The following ADGRL3 variants were observed in gnomAD, a reference collection of about 807,000 sequenced individuals.
ADGRL3 encodes the protein calcium-independent alpha-latrotoxin receptor 3.
Under a neutral mutation model 153.5 loss-of-function variants are expected in ADGRL3, and 62 were observed. The observed-to-expected ratio is 0.40, with a 90% confidence interval of 0.33 to 0.50. ADGRL3 has a LOEUF of 0.50. Among genes scored for constraint, ADGRL3 ranks in the 20% least tolerant of loss-of-function variants. ADGRL3 has a pLI of 0.47. For missense variants in ADGRL3, 1,641 were observed against 1,859.4 expected (o/e 0.88, Z 2.16); for synonymous variants, 710 against 672.5 (o/e 1.06, Z -0.86).
intron 13 of ADGRL3, among the ~76,000 whole-genome samples, chr4:61,925,339 A>G (rs1424826840): frequency 6.6e-6 from 1 of 152,106 alleles, no homozygotes. Context: ...TGTACCATCA[A>G]TTCTTCTTCC....
intron 21 of ADGRL3, among the ~76,000 whole-genome samples, chr4:62,026,218 T>C (rs976981799): frequency 1.3e-5 from 2 of 152,170 alleles, no homozygotes; most frequent in African/African-American, 4.8e-5. Flanking sequence ...AGTCTCATAG[T>C]AGGCAGTCTA....
chr4:62,034,423 T>C (rs534258182), intron 23 of ADGRL3, among the ~76,000 whole-genome samples: 1 of 152,054 alleles, frequency 6.6e-6, no homozygotes, highest in East Asian at 1.9e-4. Flanking sequence ...TGTTCTTTCA[T>C]CCATTCTGTG....
intron 2 of ADGRL3, among the ~76,000 whole-genome samples, chr4:61,438,432 T>C (rs2097481383): frequency 1.3e-5 from 2 of 151,646 alleles, no homozygotes; most frequent in Admixed American, 6.6e-5. Flanking sequence ...TACATATGTA[T>C]ACATGTGCCA....
At chr4:61,358,596 CA>C (rs71211377) in intron 1 of ADGRL3, among the ~76,000 whole-genome samples, 33,938 of 95,332 alleles carry the variant, frequency 0.36, 3,566 homozygotes, top group South Asian at 0.45. Flanking sequence ...GACTCCGTCT[CA>C]AAAAAAAAAA....
intron 1 of ADGRL3, among the ~76,000 whole-genome samples, chr4:61,281,050 A>C (rs889688059): frequency 1.3e-5 from 2 of 152,098 alleles, no homozygotes; most frequent in African/African-American, 4.8e-5. Flanking sequence ...TATTTATCAT[A>C]TATATTAGTT....
rs944406010 is a variant in ADGRL3, at chr4:61,409,195, A to G, written c.-174+26006A>G. On this transcript the variant is annotated intron_variant, in intron 2 of 26. Coordinates refer to ENST00000683033, the MANE Select transcript of ADGRL3 (RefSeq NM_001387552.1). ...AAAAATTTTATTATATATATAATATATATTATATATATTAGACATACATAA... is the reference window on the plus strand; with the variant it reads ...AAAAATTTTATTATATATATAATATGTATTATATATATTAGACATACATAA... Among the ~76,000 whole-genome samples, 259 of 144,644 alleles carry G rather than the reference A, an allele frequency of 1.8e-3. 1 individual carries two copies. The highest frequency in any genetic ancestry group is 3.0e-3 in the Non-Finnish European group (198 of 66,382). The allele number at this position is 144,644 out of a possible 152,430, so 94.9% of individuals were successfully genotyped here.
chr4:61,414,503 A>T (rs1416726968), intron 2 of ADGRL3, among the ~76,000 whole-genome samples: 5 of 152,144 alleles, frequency 3.3e-5, no homozygotes, highest in Non-Finnish European at 7.4e-5. Context: ...CTCCTCTGGT[A>T]AATAGATGAG....
At chr4:61,616,237 G>C (rs929126513) in intron 5 of ADGRL3, among the ~76,000 whole-genome samples, 13 of 152,216 alleles carry the variant, frequency 8.5e-5, no homozygotes, top group African/African-American at 3.1e-4. Context: ...AACTATAACA[G>C]TATTAGAAAT....
At chr4:61,457,583 T>C (rs1290904119) in intron 2 of ADGRL3, among the ~76,000 whole-genome samples, 1 of 151,938 alleles carries the variant, frequency 6.6e-6, no homozygotes, top group Non-Finnish European at 1.5e-5. Context: ...TTAATTGGCC[T>C]TTAATTTACA....
chr4:61,429,591 C>A (rs1282153078), intron 2 of ADGRL3, among the ~76,000 whole-genome samples: 4 of 151,974 alleles, frequency 2.6e-5, no homozygotes, highest in Admixed American at 1.3e-4. Flanking sequence ...CAGTTTATTC[C>A]TTTTCTCTTT....
chr4:61,244,139 A>C (rs1443847062), intron 1 of ADGRL3, among the ~76,000 whole-genome samples: 1 of 152,004 alleles, frequency 6.6e-6, no homozygotes, highest in African/African-American at 2.4e-5. Flanking sequence ...TTTGGCTGTG[A>C]AAGTTTATTA....
chr4:61,572,304 A>C (rs2149149331), intron 4 of ADGRL3, among the ~76,000 whole-genome samples: 1 of 152,256 alleles, frequency 6.6e-6, no homozygotes, highest in East Asian at 1.9e-4. Flanking sequence ...CAAGTACTGA[A>C]GAAACTTTAA....
chr4:61,854,651 A>T (rs2098243198), intron 9 of ADGRL3, among the ~76,000 whole-genome samples: 1 of 152,218 alleles, frequency 6.6e-6, no homozygotes, highest in Non-Finnish European at 1.5e-5. Context: ...CCTTAATGAG[A>T]TGGAGCTTAA....
chr4:61,521,452 T>A lies in ADGRL3; in HGVS notation c.259+3934T>A, dbSNP rs185007167. Among the ~76,000 whole-genome samples the A allele has an allele frequency of 1.5e-3, 233 of 152,130 alleles. 1 individual carries two copies. In the Middle Eastern group the frequency reaches 0.02, roughly 13 times the overall value. ...GAGTTTGAAATTTTCCTGATGGTAG[T>A]GAGGGAAAAATTAAGTTGATCTTAG... On this transcript the variant is annotated intron_variant, in intron 4 of 26. Transcript: ENST00000683033.
At chr4:61,569,830 T>A (rs187072246) in intron 4 of ADGRL3, among the ~76,000 whole-genome samples, 1 of 152,306 alleles carries the variant, frequency 6.6e-6, no homozygotes, top group Non-Finnish European at 1.5e-5. Context: ...CAGTTTAAAA[T>A]GTGCACTTAT....
intron 2 of ADGRL3, among the ~76,000 whole-genome samples, chr4:61,430,730 T>C (rs7666408): frequency 0.39 from 59,839 of 151,952 alleles, 12,318 homozygotes; most frequent in Middle Eastern, 0.57. Flanking sequence ...GTGTTTCTCA[T>C]TGCCCCTTAT....
intron 13 of ADGRL3, among the ~76,000 whole-genome samples, chr4:61,920,673 CA>C (rs1205706134): frequency 1.3e-5 from 2 of 152,164 alleles, no homozygotes; most frequent in African/African-American, 4.8e-5. Flanking sequence ...TTATCTTTAG[CA>C]CATGGGTTTC....
Position 61,732,978 on chromosome 4 carries a change from G to T in ADGRL3, c.823G>T (p.Asp275Tyr). Residue 275 changes from aspartate (D) to tyrosine (Y), a missense_variant, in exon 8 of 27, where the codon GAT (aspartate) becomes TAT (tyrosine). By Grantham distance (160) the Asp-to-Tyr change is radical. Around this residue, in one of 5 missense-constraint regions of ADGRL3, gnomAD observed 213 missense variants for 362.1 expected, o/e 0.59. Coordinates refer to ENST00000683033, the MANE Select transcript of ADGRL3 (RefSeq NM_001387552.1). ...TTTYKLPHRV[D>Y]GTGFVVYDGA... ...AACCTACAAGCTCCCTCACAGGGTG[G>T]ATGGCACAGGATTTGTAGTGTATGA... 1 of 1,613,734 alleles carries T rather than the reference G, an allele frequency of 6.2e-7. No homozygotes were observed. Among genetic ancestry groups the T allele is most frequent in the Non-Finnish European group, 8.5e-7 (1 of 1,179,822 alleles).
rs1728340527 is a variant in ADGRL3, at chr4:62,041,631, G to A, written c.3718-2822G>A. 2.6e-5 allele frequency among the ~76,000 whole-genome samples: 4 copies of A among 151,782 alleles called. No homozygotes were observed. In the South Asian group the frequency reaches 6.3e-4, roughly 24 times the overall value. On this transcript the variant is annotated intron_variant, in intron 24 of 26. Coordinates refer to ENST00000683033, the MANE Select transcript of ADGRL3 (RefSeq NM_001387552.1). ...TCCTAAATTTTGTTTTTCCATTCCC[G>A]CAACTTATTCTAATCATTTCTCTCC...
Sources: allele counts gnomAD v4.1 joint callset (sites outside exome capture counted in the v4.1 genomes callset), GRCh38; gene constraint gnomAD v4.1.1; regional missense constraint gnomAD v4.1.1; transcripts MANE v1.5; gene names NCBI Gene and HGNC (gene_info 2026-07-23, HGNC 2026-07-21).